Variants in GLIS3 observed in about 807,000 individuals in gnomAD.
GLIS3 encodes zinc finger protein GLIS3.
GLIS3 carries 53 observed loss-of-function variants against 78.6 expected under a neutral mutation model. The observed-to-expected ratio is 0.67, with a 90% CI of 0.54 to 0.85. The LOEUF (loss-of-function observed/expected upper bound fraction) is 0.85, where lower values mean the gene tolerates loss of function less well. GLIS3 is among the 40% of genes least tolerant of loss of function. The pLI, the probability that GLIS3 is intolerant of heterozygous loss-of-function variation, is 0.00. For synonymous variants in GLIS3, 684 were observed against 509.9 expected (o/e 1.34, Z -4.60); for missense variants, 1,703 against 1,231.1 (o/e 1.38, Z -5.74).
upstream of GLIS3, among the ~76,000 whole-genome samples, chr9:4,303,719 G>A (rs1405732508): frequency 6.6e-6 from 1 of 152,158 alleles, no homozygotes; most frequent in Non-Finnish European, 1.5e-5. Flanking sequence ...TCTAATTGGT[G>A]AAATGTTTCT....
At chr9:4,068,516 A>G (rs941208125) in intron 4 of GLIS3, among the ~76,000 whole-genome samples, 1 of 152,208 alleles carries the variant, frequency 6.6e-6, no homozygotes, top group Non-Finnish European at 1.5e-5. Context: ...TGAGCAGTGA[A>G]TTTATATCCT....
intron 2 of GLIS3, among the ~76,000 whole-genome samples, chr9:4,269,483 A>G (rs1826312443): frequency 6.6e-6 from 1 of 152,230 alleles, no homozygotes; most frequent in South Asian, 2.1e-4. Flanking sequence ...CCAACGTTAT[A>G]TCAGTTATAT....
chr9:4,470,281 C>T, the GLIS3 span, among the ~76,000 whole-genome samples: 2 of 151,996 alleles, frequency 1.3e-5, no homozygotes, highest in African/African-American at 4.8e-5. Context: ...TGATTGCAAA[C>T]CCTGGCAGAG....
At chr9:4,403,549 A>G in the GLIS3 span, among the ~76,000 whole-genome samples, 3 of 152,202 alleles carry the variant, frequency 2.0e-5, no homozygotes, top group African/African-American at 7.2e-5. Flanking sequence ...AGAAGCTACA[A>G]AAAGTCAAAA....
intron 9 of GLIS3, among the ~76,000 whole-genome samples, chr9:3,850,576 CAGTT>C (rs1819365725): frequency 6.6e-6 from 1 of 152,212 alleles, no homozygotes; most frequent in Admixed American, 6.5e-5. Context: ...ATAATCCCAA[CAGTT>C]AGAGCTTAAT....
intron 4 of GLIS3, among the ~76,000 whole-genome samples, chr9:4,114,082 T>C (rs886163427): frequency 6.6e-6 from 1 of 152,164 alleles, no homozygotes; most frequent in African/African-American, 2.4e-5. Context: ...CTTTCAGTCG[T>C]ACGTGAAGGC....
At chr9:4,302,235 T>C (rs933948751), upstream of GLIS3, among the ~76,000 whole-genome samples, 13 of 152,302 alleles carry the variant, frequency 8.5e-5, no homozygotes, top group African/African-American at 2.6e-4. Flanking sequence ...TCCATCGTGC[T>C]TAGGAATCAT....
At chr9:4,316,698 T>A (rs560449298) in intron 2 of GLIS3, among the ~76,000 whole-genome samples, 7 of 152,258 alleles carry the variant, frequency 4.6e-5, no homozygotes, top group African/African-American at 1.4e-4. Context: ...CTGCCCAGAG[T>A]TGGTTCCTGC....
At chr9:4,307,649 T>G (rs76250944) in intron 4 of GLIS3, among the ~76,000 whole-genome samples, 7,501 of 152,250 alleles carry the variant, frequency 0.049, 280 homozygotes, top group Admixed American at 0.12. Context: ...TGCTAATTAG[T>G]TGCCCTTAAA....
intron 4 of GLIS3, among the ~76,000 whole-genome samples, chr9:4,049,513 G>C (rs1260531150): frequency 6.6e-6 from 1 of 152,156 alleles, no homozygotes; most frequent in Non-Finnish European, 1.5e-5. Flanking sequence ...GCCGGCAGGA[G>C]TGTCGTGTAC....
intron 8 of GLIS3, among the ~76,000 whole-genome samples, chr9:3,877,277 A>G (rs753898462): frequency 7.2e-5 from 11 of 152,262 alleles, no homozygotes; most frequent in Non-Finnish European, 1.5e-4. Flanking sequence ...TTATAGGAAT[A>G]TATCAGACAA....
the GLIS3 span, among the ~76,000 whole-genome samples, chr9:4,401,416 C>G: frequency 0.016 from 2,463 of 150,792 alleles, 74 homozygotes; most frequent in African/African-American, 0.057. Flanking sequence ...TAAGCCACCA[C>G]GCCCAGCTAA....
chr9:3,991,760 G>T (rs531943237), intron 4 of GLIS3, among the ~76,000 whole-genome samples: 6 of 145,486 alleles, frequency 4.1e-5, no homozygotes, highest in Admixed American at 1.4e-4. Context: ...GTGGGATCTC[G>T]GCTCACTGCA....
chr9:4,367,989 C>T, the GLIS3 span, among the ~76,000 whole-genome samples: 3 of 152,178 alleles, frequency 2.0e-5, no homozygotes, highest in Non-Finnish European at 4.4e-5. Context: ...CCAGAATTTG[C>T]AACCAAGTGT....
the GLIS3 span, among the ~76,000 whole-genome samples, chr9:4,459,339 A>G: frequency 6.6e-6 from 1 of 152,216 alleles, no homozygotes; most frequent in African/African-American, 2.4e-5. Flanking sequence ...AGGTCTAAAG[A>G]CTCAGCCCTG....
At chr9:4,174,080 T>C (rs186625985) in intron 2 of GLIS3, among the ~76,000 whole-genome samples, 4 of 152,326 alleles carry the variant, frequency 2.6e-5, no homozygotes, top group African/African-American at 9.6e-5. Flanking sequence ...TCTAGTTAAG[T>C]AGGTCAGACT....
intron 4 of GLIS3, among the ~76,000 whole-genome samples, chr9:3,943,153 G>T (rs934710726): frequency 2.0e-5 from 3 of 152,214 alleles, no homozygotes; most frequent in African/African-American, 7.2e-5. Context: ...TCTGGTTTCT[G>T]TTTCCAGTGC....
chr9:4,328,939 T>C (rs1448225453), intron 2 of GLIS3, among the ~76,000 whole-genome samples: 1 of 152,198 alleles, frequency 6.6e-6, no homozygotes. Flanking sequence ...AGTTCCCTAA[T>C]AGTTTCTCAT....
the GLIS3 span, among the ~76,000 whole-genome samples, chr9:4,379,663 C>G: frequency 6.6e-6 from 1 of 152,170 alleles, no homozygotes; most frequent in Non-Finnish European, 1.5e-5. Context: ...TGACTATTTG[C>G]TTCACTTCAG....
Sources: allele counts gnomAD v4.1 joint callset (sites outside exome capture counted in the v4.1 genomes callset), GRCh38; gene constraint gnomAD v4.1.1; transcripts MANE v1.5; gene names NCBI Gene and HGNC (gene_info 2026-07-23, HGNC 2026-07-21).